Variants in BCAR1 observed in about 807,000 individuals in gnomAD.
BCAR1 encodes BCAR1 scaffold protein, Cas family member.
In BCAR1, 30 loss-of-function variants were observed where a neutral mutation model predicts 67.6. That is an observed-to-expected ratio of 0.44 (90% CI 0.33 to 0.60). The LOEUF is 0.60. BCAR1 is among the 20% of genes least tolerant of loss of function. The pLI, the probability that BCAR1 is intolerant of heterozygous loss-of-function variation, is 0.02. For missense variants in BCAR1, 1,313 were observed against 1,222.3 expected, an observed-to-expected ratio of 1.07 and a Z score of -1.11; for synonymous variants, 626 against 556.7, an observed-to-expected ratio of 1.12 and a Z score of -1.75.
intron 1 of BCAR1, 138 bp from the exon 2 acceptor site, chr16:75,243,228 T>C (rs1017930698): frequency 3.2e-6 from 3 of 937,048 alleles, no homozygotes; most frequent in African/African-American, 1.7e-5. Flanking sequence ...GCGAGATCAT[T>C]GTGCCTTTGC....
Position 75,228,735 on chromosome 16 carries a change from G to T in BCAR1, c.*776C>A, listed in dbSNP as rs2076788190. 6.6e-6 allele frequency: 1 copy of T among 152,302 alleles called. No individual in the cohort carries two copies. Among genetic ancestry groups the T allele is most frequent in the Non-Finnish European group, 1.5e-5 (1 of 68,102 alleles). 9.4% of individuals were successfully genotyped at this position (152,302 alleles called of 1,614,324 possible). On this transcript the variant is annotated 3_prime_UTR_variant, in exon 7 of 7. Coordinates refer to ENST00000162330, the MANE Select transcript of BCAR1 (RefSeq NM_014567.5). ...AGGTGCTCACTGTGGCAGCTCCCTAGGGTTGCAGGGGCCATGCCCAGGCTG... is the reference window on the plus strand; with the variant it reads ...AGGTGCTCACTGTGGCAGCTCCCTATGGTTGCAGGGGCCATGCCCAGGCTG...
chr16:75,250,411 G>C (rs535580044), intron 1 of BCAR1, among the ~76,000 whole-genome samples: 1 of 152,308 alleles, frequency 6.6e-6, no homozygotes, highest in East Asian at 1.9e-4. Context: ...GGCGTGTCCC[G>C]GCCCAGGGCG....
At chr16:75,239,173 C>T in intron 2 of BCAR1, 1 of 940,330 alleles carries the variant, frequency 1.1e-6, no homozygotes, top group Non-Finnish European at 1.3e-6. Context: ...ATGACTCAGC[C>T]CCACTGCTAA....
intron 6 of BCAR1, among the ~76,000 whole-genome samples, chr16:75,233,151 C>T (rs2076959775): frequency 1.3e-5 from 2 of 152,134 alleles, no homozygotes; most frequent in Admixed American, 6.5e-5. Context: ...GCAGGTGGAT[C>T]GTTTGAGCCC....
upstream of BCAR1, among the ~76,000 whole-genome samples, chr16:75,254,890 G>C (rs1299168720): frequency 6.6e-6 from 1 of 152,192 alleles, no homozygotes; most frequent in African/African-American, 2.4e-5. Context: ...GGTTATACTG[G>C]ACCCAAGTGG....
chr16:75,234,160 G>GACACACACACACAC lies in BCAR1; in HGVS notation c.2011-226_2011-225insGTGTGTGTGTGTGT, dbSNP rs1296996116. On this transcript the variant is annotated intron_variant, in intron 5 of 6. Coordinates refer to ENST00000162330, the MANE Select transcript of BCAR1 (RefSeq NM_014567.5). ...AGACTGGCACGTGCAGGGGCAGGCA[G>GACACACACACACAC]ACAGACACACACACACACACACACA... 7.2e-4 allele frequency among the ~76,000 whole-genome samples: 63 copies of GACACACACACACAC among 87,866 alleles called. 1 individual carries two copies. Among genetic ancestry groups the GACACACACACACAC allele is most frequent in the South Asian group, 2.7e-3 (6 of 2,220 alleles). The allele number at this position is 87,866 out of a possible 152,430, so 57.6% of individuals were successfully genotyped here. A position where few individuals can be genotyped will look rare whatever the true frequency, so the allele number is the denominator to read the frequency against.
Position 75,229,350 on chromosome 16 carries a change from C to T in BCAR1, c.*161G>A, listed in dbSNP as rs188022096. 716 of 1,184,362 alleles carry T rather than the reference C, an allele frequency of 6.0e-4. 2 individuals are homozygous for T. The highest frequency in any genetic ancestry group is 7.5e-4 in the Non-Finnish European group (656 of 880,312). The allele number at this position is 1,184,362 out of a possible 1,614,324, so 73.4% of individuals were successfully genotyped here. A position where few individuals can be genotyped will look rare whatever the true frequency, so the allele number is the denominator to read the frequency against. ...AGGAGGCATGGCCCCACACCCTGCC[C>T]GGCCATAAATATATACAGATTCCTG... On this transcript the variant is annotated 3_prime_UTR_variant, in exon 7 of 7. Transcript: ENST00000162330.
Position 75,235,635 on chromosome 16 carries a change from C to T in BCAR1, c.1264G>A (p.Ala422Thr). The T allele has an allele frequency of 6.2e-7, 1 of 1,606,398 alleles. No individual in the cohort carries two copies. Among genetic ancestry groups the T allele is most frequent in the Admixed American group, 1.7e-5 (1 of 59,514 alleles). The change falls in exon 5 of 7, where the codon GCA becomes ACA. Residue 422 changes from alanine (A) to threonine (T), a missense_variant. By Grantham distance (58) the Ala-to-Thr change is moderately conservative. This residue lies in a region of BCAR1 where 1,272 missense variants were observed against 1,137.5 expected (regional missense o/e 1.12). Coordinates refer to ENST00000162330, the MANE Select transcript of BCAR1 (RefSeq NM_014567.5). ...GAGGCCGACAGGCGCTTGCCCTCTG[C>T]CGGGGCTTCACGTTCAGCTGGGGGA... is the stretch of plus-strand genomic sequence containing the variant. ...VPPPAEREAP[A>T]EGKRLSASST... is the part of the protein sequence containing the mutation.
chr16:75,237,443 G>A (rs1481755666), intron 2 of BCAR1, 99 bp from the exon 3 acceptor site: 2 of 1,350,764 alleles, frequency 1.5e-6, no homozygotes, highest in East Asian at 3.0e-5. Context: ...GGTGGGCAGG[G>A]CACACCAGGT....
chr16:75,248,385 C>G, intron 1 of BCAR1: 1 of 1,231,286 alleles, frequency 8.1e-7, no homozygotes, highest in Non-Finnish European at 1.0e-6. Context: ...CTGGGGCATT[C>G]TATTTGCTTG....
At chr16:75,233,446 A>G (rs1652922669) in intron 6 of BCAR1, among the ~76,000 whole-genome samples, 2 of 152,242 alleles carry the variant, frequency 1.3e-5, no homozygotes, top group African/African-American at 2.4e-5. Context: ...CTTTGAAAGA[A>G]TCCACAAGAA....
chr16:75,246,153 T>C (rs1404565871), intron 1 of BCAR1: 1 of 151,966 alleles, frequency 6.6e-6, no homozygotes, highest in East Asian at 1.9e-4. Context: ...TAATTTTGTG[T>C]AGAGATGGGT....
Position 75,229,574 on chromosome 16 carries a change from G to C in BCAR1, c.2550C>G (p.Val850=), listed in dbSNP as rs746916507. 6.2e-7 allele frequency: 1 copy of C among 1,609,780 alleles called. No individual in the cohort carries two copies. The highest frequency in any genetic ancestry group is 8.5e-7 in the Non-Finnish European group (1 of 1,179,012). The part of the protein sequence containing the change: ...PSAAQDMVER[V]KELGHSTQQF... ...GCTGGGTGCTGTGGCCCAGCTCCTT[G>C]ACCCTCTCCACCATGTCCTGGGCCG... Residue 850 remains valine (V), a synonymous_variant, in exon 7 of 7, where the codon GTC becomes GTG. Coordinates refer to ENST00000162330, the MANE Select transcript of BCAR1 (RefSeq NM_014567.5).
intron 1 of BCAR1, chr16:75,264,555 AT>A (rs1357569160): frequency 5.9e-5 from 81 of 1,369,866 alleles, no homozygotes; most frequent in Non-Finnish European, 7.2e-5. Context: ...ACCAGAACGG[AT>A]GGCGGGGCTC....
At chr16:75,251,643 G>C (rs2151463261), upstream of BCAR1, 1 of 1,001,872 alleles carries the variant, frequency 1.0e-6, no homozygotes, top group South Asian at 4.5e-5. Flanking sequence ...TCCGCCTGCC[G>C]CCACGGCCCA....
chr16:75,252,037 G>A (rs948311099), upstream of BCAR1, among the ~76,000 whole-genome samples: 4 of 152,136 alleles, frequency 2.6e-5, no homozygotes, highest in African/African-American at 7.2e-5. Flanking sequence ...CATTCATCGC[G>A]TGTCCATGGG....
intron 5 of BCAR1, among the ~76,000 whole-genome samples, chr16:75,234,164 GACAC>G (rs60447098): frequency 2.0e-3 from 192 of 95,020 alleles, no homozygotes; most frequent in Non-Finnish European, 2.5e-3. Flanking sequence ...CAGGCAGACA[GACAC>G]ACACACACAC....
At chr16:75,245,579 C>G (rs985183379) in intron 1 of BCAR1, among the ~76,000 whole-genome samples, 1 of 152,236 alleles carries the variant, frequency 6.6e-6, no homozygotes, top group Admixed American at 6.5e-5. Context: ...CCTCACAGCC[C>G]AGCCCTGCCA....
chr16:75,241,014 G>A (rs570399545), intron 2 of BCAR1, among the ~76,000 whole-genome samples: 17 of 152,400 alleles, frequency 1.1e-4, no homozygotes, highest in African/African-American at 3.6e-4. Context: ...GGCGGGAGAG[G>A]AGGGGTGGGG....
Sources: allele counts gnomAD v4.1 joint callset (sites outside exome capture counted in the v4.1 genomes callset), GRCh38; gene constraint gnomAD v4.1.1; regional missense constraint gnomAD v4.1.1; transcripts MANE v1.5; gene names NCBI Gene and HGNC (gene_info 2026-07-23, HGNC 2026-07-21).